Variants in FGFR1 observed in about 807,000 individuals in gnomAD.
FGFR1 encodes FGFR1/PLAG1 fusion.
In FGFR1, 18 loss-of-function variants were observed where a neutral mutation model predicts 93.7. That is an observed-to-expected ratio of 0.19 (90% CI 0.13 to 0.28). FGFR1 has a LOEUF of 0.28. Ranked by LOEUF, FGFR1 falls within the 10% of genes least tolerant of loss-of-function variation. FGFR1 has a pLI of 1.00. For missense variants in FGFR1, 731 were observed against 1,080.4 expected (o/e 0.68, Z 4.53); for synonymous variants, 448 against 429.3 (o/e 1.04, Z -0.54).
chr8:38,445,157 T>A (rs999041667), intron 2 of FGFR1, among the ~76,000 whole-genome samples: 1 of 152,196 alleles, frequency 6.6e-6, no homozygotes, highest in East Asian at 1.9e-4. Context: ...TCCGTGCCCA[T>A]CGTGAGCACA....
At position 38,424,790 on chromosome 8, in the gene FGFR1, A is replaced by C; in HGVS notation, c.746-91T>G. On this transcript the variant is annotated intron_variant, in intron 6 of 17. Coordinates refer to ENST00000447712, the MANE Select transcript of FGFR1 (RefSeq NM_023110.3). The surrounding 1 kb of genome is among the most constrained non-coding windows in gnomAD (Gnocchi z 4.3). ...CACCTGCGCCCCACTTGGCTTTCCCAGTGATGGGTTGTAAACCTCCCAGCA... is the reference window on the plus strand; with the variant it reads ...CACCTGCGCCCCACTTGGCTTTCCCCGTGATGGGTTGTAAACCTCCCAGCA... The C allele has an allele frequency of 7.2e-7, 1 of 1,386,060 alleles. No individual in the cohort carries two copies. The highest frequency in any genetic ancestry group is 1.0e-6 in the Non-Finnish European group (1 of 1,003,936). The allele number at this position is 1,386,060 out of a possible 1,614,324, so 85.9% of individuals were successfully genotyped here. A position where few individuals can be genotyped will look rare whatever the true frequency, so the allele number is the denominator to read the frequency against.
chr8:38,451,412 C>T (rs1340459802), intron 2 of FGFR1, among the ~76,000 whole-genome samples: 3 of 152,088 alleles, frequency 2.0e-5, no homozygotes, highest in Non-Finnish European at 4.4e-5. Context: ...CAGGCTGAAA[C>T]GCACACCCCT....
At chr8:38,440,803 C>T (rs879634710) in intron 2 of FGFR1, among the ~76,000 whole-genome samples, 4 of 152,102 alleles carry the variant, frequency 2.6e-5, no homozygotes, top group Admixed American at 6.5e-5. Flanking sequence ...TCCCCCCGTG[C>T]GTTGCCATGG....
chr8:38,430,000 CAGGGAGAGGGGAGGA>C lies in FGFR1; in HGVS notation c.92-67_92-53del, dbSNP rs1822391360. 2 of 1,541,156 alleles carry C rather than the reference CAGGGAGAGGGGAGGA, an allele frequency of 1.3e-6. No individual in the cohort carries two copies. Among genetic ancestry groups the C allele is most frequent in the Non-Finnish European group, 1.8e-6 (2 of 1,140,118 alleles). ...GAAGCCAAGGGGCGAGAGAGGAAGACAGGGAGAGGGGAGGAGGGGAGAGACAAAGGGAATTACGCT... is the reference window on the plus strand; with the variant it reads ...GAAGCCAAGGGGCGAGAGAGGAAGACGGGGAGAGACAAAGGGAATTACGCT... On this transcript the variant is annotated intron_variant, in intron 2 of 17. Coordinates refer to ENST00000447712, the MANE Select transcript of FGFR1 (RefSeq NM_023110.3). This position sits in a 1 kb window ranked among gnomAD's most constrained non-coding sequence, Gnocchi z 4.4.
intron 7 of FGFR1, chr8:38,423,871 C>A (rs1382376215): frequency 2.2e-5 from 4 of 179,544 alleles, no homozygotes; most frequent in Admixed American, 5.5e-5. Flanking sequence ...TGAGGTCTAA[C>A]TCTGGGACAA....
rs371390925 is a variant in FGFR1, at chr8:38,418,219, T to C, written c.1430+9A>G. 3 of 1,614,008 alleles carry C rather than the reference T, an allele frequency of 1.9e-6. No individual in the cohort carries two copies. Among genetic ancestry groups the C allele is most frequent in the Non-Finnish European group, 2.5e-6 (3 of 1,179,984 alleles). On this transcript the variant is annotated intron_variant, in intron 10 of 17. Coordinates refer to ENST00000447712, the MANE Select transcript of FGFR1 (RefSeq NM_023110.3). ...GCCTTCAAAAAGTTGGGAGTCAAAG[T>C]ATTATTACCTGTCCCGAGGCAGCTC... is the stretch of plus-strand genomic sequence containing the variant.
chr8:38,465,118 T>G lies in FGFR1; in HGVS notation c.-89+2863A>C, dbSNP rs146824640. Reference sequence around the variant, plus strand: ...CCAGCCTGAGGGATGCACCGATGTATCTAATCCTCTGCCCCTAGGGAGTGG... The same window carrying G: ...CCAGCCTGAGGGATGCACCGATGTAGCTAATCCTCTGCCCCTAGGGAGTGG... On this transcript the variant is annotated intron_variant, in intron 1 of 17. Transcript: ENST00000447712. Among the ~76,000 whole-genome samples, 1,051 of 152,302 alleles carry G rather than the reference T, an allele frequency of 6.9e-3. 10 individuals are homozygous for G. Among genetic ancestry groups the G allele is most frequent in the Admixed American group, 0.018 (276 of 15,300 alleles).
chr8:38,457,466 G>A lies in FGFR1; in HGVS notation c.-20C>T, dbSNP rs1586747657. 3.7e-6 allele frequency: 6 copies of A among 1,613,894 alleles called. No homozygotes were observed. Among genetic ancestry groups the A allele is most frequent in the Non-Finnish European group, 4.2e-6 (5 of 1,179,966 alleles). On this transcript the variant is annotated 5_prime_UTR_variant, in exon 2 of 18. Coordinates refer to ENST00000447712, the MANE Select transcript of FGFR1 (RefSeq NM_023110.3). ...CCACATCCCAGTTCTGCAGTTAGAG[G>A]TTGGTGACAAGGCTCCACATCTCCA...
intron 8 of FGFR1, among the ~76,000 whole-genome samples, chr8:38,421,471 G>T (rs1037656192): frequency 6.6e-6 from 1 of 152,184 alleles, no homozygotes; most frequent in Non-Finnish European, 1.5e-5. Flanking sequence ...GGGGGAGGCT[G>T]CTGGACCCAA....
At chr8:38,457,898 G>A (rs1250536546) in intron 1 of FGFR1, among the ~76,000 whole-genome samples, 3 of 152,130 alleles carry the variant, frequency 2.0e-5, no homozygotes, top group Non-Finnish European at 4.4e-5. Context: ...CAAGAGAATC[G>A]CTTGAATCCA....
chr8:38,448,183 G>T (rs1156891338), intron 2 of FGFR1, among the ~76,000 whole-genome samples: 33 of 151,998 alleles, frequency 2.2e-4, no homozygotes, highest in Admixed American at 2.2e-3. Context: ...GATTGCTTTT[G>T]AATGATGGAA....
chr8:38,451,819 G>C (rs1179534496), intron 2 of FGFR1, among the ~76,000 whole-genome samples: 2 of 152,126 alleles, frequency 1.3e-5, no homozygotes, highest in Non-Finnish European at 2.9e-5. Flanking sequence ...CAGTGGCCTT[G>C]CAAGCAGTGT....
At chr8:38,447,173 G>A (rs1353752948) in intron 2 of FGFR1, among the ~76,000 whole-genome samples, 3 of 150,580 alleles carry the variant, frequency 2.0e-5, no homozygotes, top group Non-Finnish European at 4.4e-5. Flanking sequence ...GGGAGGGGAT[G>A]CCTGACTCCT....
At chr8:38,414,449 TTC>T in intron 15 of FGFR1, 108 bp downstream of exon 15, 2 of 1,542,374 alleles carry the variant, frequency 1.3e-6, no homozygotes, top group East Asian at 2.3e-5. Context: ...TGTTTTGTTT[TTC>T]TCTCTGGGGC....
chr8:38,431,939 C>G (rs539996845), intron 2 of FGFR1, among the ~76,000 whole-genome samples: 1 of 152,308 alleles, frequency 6.6e-6, no homozygotes, highest in South Asian at 2.1e-4. Context: ...AGACTCAACT[C>G]TTAAGGAACA....
intron 2 of FGFR1, among the ~76,000 whole-genome samples, chr8:38,448,069 A>G (rs938101407): frequency 5.3e-5 from 8 of 152,238 alleles, no homozygotes; most frequent in African/African-American, 7.2e-5. Flanking sequence ...CTAAATGCTG[A>G]TATCAGTCAC....
At chr8:38,432,284 G>A (rs138569200) in intron 2 of FGFR1, among the ~76,000 whole-genome samples, 1 of 152,180 alleles carries the variant, frequency 6.6e-6, no homozygotes, top group Non-Finnish European at 1.5e-5. Flanking sequence ...TCCACTATAC[G>A]TGATCTGTAA....
In FGFR1 at chr8:38,417,320, G is replaced by A. The variant is rs1817031708; in HGVS notation, c.1649C>T (p.Ala550Val). Reference sequence around the variant, plus strand: ...CCGGCACCCACCATCCTGCGTGCAGGCCCCCAGCAGGTTGATGATATTCTT... The same window carrying A: ...CCGGCACCCACCATCCTGCGTGCAGACCCCCAGCAGGTTGATGATATTCTT... ...KHKNIINLLG[A>V]CTQDGPLYVI... Residue 550 changes from alanine (A) to valine (V), a missense_variant, in exon 12 of 18, where the codon GCC becomes GTC. Physicochemically the swap from Ala to Val is moderately conservative, Grantham distance 64. Transcript: ENST00000447712. 1 of 1,612,868 alleles carries A rather than the reference G, an allele frequency of 6.2e-7. No individual in the cohort carries two copies. Among genetic ancestry groups the A allele is most frequent in the Non-Finnish European group, 8.5e-7 (1 of 1,179,586 alleles).
Position 38,413,447 on chromosome 8 carries a change from G to A in FGFR1, c.*181C>T. 3 of 621,638 alleles carry A rather than the reference G, an allele frequency of 4.8e-6. No homozygotes were observed. Among genetic ancestry groups the A allele is most frequent in the Non-Finnish European group, 2.8e-6 (1 of 353,120 alleles). 38.5% of individuals were successfully genotyped at this position (621,638 alleles called of 1,614,324 possible). A position where few individuals can be genotyped will look rare whatever the true frequency, so the allele number is the denominator to read the frequency against. ...GCACCTCTCACCAGCAGGTGGAGAG[G>A]AGGTGGAGGGAGAGGTGAGCTGAGT... On this transcript the variant is annotated 3_prime_UTR_variant, in exon 18 of 18. Transcript: ENST00000447712. This position sits in a 1 kb window ranked among gnomAD's most constrained non-coding sequence, Gnocchi z 4.2.
Sources: gnomAD v4.1 joint callset for allele counts (sites outside exome capture counted in the v4.1 genomes callset) on GRCh38, gnomAD v4.1.1 for gene constraint, Gnocchi (gnomAD v3.1) non-coding constraint, MANE v1.5 for transcripts, NCBI Gene and HGNC (gene_info 2026-07-23, HGNC 2026-07-21) for gene names.